Variants in SLC9B1 observed in about 807,000 individuals in gnomAD.
The protein encoded by SLC9B1 is solute carrier family 9 member B1.
A neutral mutation model predicts 51.7 loss-of-function variants in SLC9B1; 32 were observed. The observed-to-expected ratio is 0.62, with a 90% CI of 0.47 to 0.83. The LOEUF is 0.83. Among genes scored for constraint, SLC9B1 ranks in the 40% least tolerant of loss-of-function variants. The pLI is 0.00. For missense variants in SLC9B1, 406 were observed against 613.2 expected, an observed-to-expected ratio of 0.66 and a Z score of 3.57; for synonymous variants, 145 against 212.7, an observed-to-expected ratio of 0.68 and a Z score of 2.77.
intron 6 of SLC9B1, among the ~76,000 whole-genome samples, chr4:102,939,064 T>C (rs1226451376): frequency 1.4e-5 from 2 of 146,066 alleles, no homozygotes; most frequent in East Asian, 2.0e-4. Flanking sequence ...TGAAAAGCCA[T>C]ACAAAAGATA....
At chr4:103,015,826 T>C (rs1204793964) in intron 1 of SLC9B1, among the ~76,000 whole-genome samples, 1 of 152,052 alleles carries the variant, frequency 6.6e-6, no homozygotes, top group Non-Finnish European at 1.5e-5. Context: ...TCTTTCTTCT[T>C]ACCAGAAATT....
chr4:102,988,986 T>C (rs78743950), intron 3 of SLC9B1, among the ~76,000 whole-genome samples: 1,696 of 152,114 alleles, frequency 0.011, 21 homozygotes, highest in African/African-American at 0.037. Flanking sequence ...GGAACATATG[T>C]ATATTTACAA....
At chr4:102,963,872 T>C (rs1433432310) in intron 3 of SLC9B1, among the ~76,000 whole-genome samples, 1 of 152,038 alleles carries the variant, frequency 6.6e-6, no homozygotes, top group Non-Finnish European at 1.5e-5. Flanking sequence ...CTAAAATTGG[T>C]AATTAAAACT....
intron 3 of SLC9B1, among the ~76,000 whole-genome samples, chr4:102,959,459 C>T (rs1474770453): frequency 6.6e-6 from 1 of 152,030 alleles, no homozygotes; most frequent in Non-Finnish European, 1.5e-5. Flanking sequence ...AGATGTTCTT[C>T]CAGGAATTCT....
At chr4:102,949,466 C>A (rs1395357681) in intron 3 of SLC9B1, 39 bp from the exon 4 acceptor site, 2 of 1,440,042 alleles carry the variant, frequency 1.4e-6, no homozygotes, top group Non-Finnish European at 1.8e-6. Context: ...TATCTACATA[C>A]ACATAGATGT....
At chr4:102,938,666 G>A (rs1736839678) in intron 6 of SLC9B1, among the ~76,000 whole-genome samples, 1 of 151,906 alleles carries the variant, frequency 6.6e-6, no homozygotes, top group Admixed American at 6.6e-5. Flanking sequence ...CTGAAATCAG[G>A]CCAACCACAC....
At chr4:102,987,440 A>G (rs1739686320) in intron 3 of SLC9B1, among the ~76,000 whole-genome samples, 1 of 152,162 alleles carries the variant, frequency 6.6e-6, no homozygotes, top group African/African-American at 2.4e-5. Flanking sequence ...AGAAGTCATC[A>G]CTCTGTCCTA....
chr4:102,893,295 A>AAAG (rs1553971018), intron 11 of SLC9B1, among the ~76,000 whole-genome samples: 1 of 149,866 alleles, frequency 6.7e-6, no homozygotes, highest in African/African-American at 2.4e-5. Context: ...AAAAAAAAAA[A>AAAG]AAAAAAAAAA....
chr4:103,009,009 A>G (rs1309903306), intron 1 of SLC9B1, among the ~76,000 whole-genome samples: 4 of 152,042 alleles, frequency 2.6e-5, no homozygotes, highest in Admixed American at 6.5e-5. Context: ...CGTGTTAGCC[A>G]GGATGGTTTT....
chr4:103,007,389 T>A (rs1740840643), intron 1 of SLC9B1, among the ~76,000 whole-genome samples: 1 of 151,322 alleles, frequency 6.6e-6, no homozygotes, highest in Non-Finnish European at 1.5e-5. Flanking sequence ...AAAAAGAAAA[T>A]ACCCTAGGAA....
At chr4:102,913,914 G>T (rs1317526343) in intron 7 of SLC9B1, among the ~76,000 whole-genome samples, 3 of 151,938 alleles carry the variant, frequency 2.0e-5, no homozygotes, top group Non-Finnish European at 4.4e-5. Context: ...TGCCCAATGG[G>T]TTCACCTTGT....
intron 3 of SLC9B1, among the ~76,000 whole-genome samples, chr4:102,975,334 A>G (rs1738999717): frequency 6.6e-6 from 1 of 151,936 alleles, no homozygotes; most frequent in African/African-American, 2.4e-5. Flanking sequence ...AAGTCACCCC[A>G]TGTTTGGAGA....
At chr4:102,929,254 TG>T (rs1314155940) in intron 7 of SLC9B1, among the ~76,000 whole-genome samples, 1 of 152,244 alleles carries the variant, frequency 6.6e-6, no homozygotes, top group East Asian at 1.9e-4. Flanking sequence ...CTTGTCTCTC[TG>T]TTTTCTTGGG....
At chr4:103,001,945 T>A (rs1189007999) in intron 1 of SLC9B1, among the ~76,000 whole-genome samples, 7 of 152,228 alleles carry the variant, frequency 4.6e-5, no homozygotes, top group African/African-American at 1.7e-4. Flanking sequence ...ACAATCATGG[T>A]GGAAGGCAAA....
chr4:102,991,499 T>C (rs1673197626), intron 2 of SLC9B1, 144 bp downstream of exon 2: 3 of 517,070 alleles, frequency 5.8e-6, no homozygotes, highest in South Asian at 7.1e-5. Flanking sequence ...CTAGGACCCA[T>C]TACAACTAGC....
At chr4:103,016,152 A>AAAAAAAAAAAAAT (rs1741316786) in intron 1 of SLC9B1, among the ~76,000 whole-genome samples, 1 of 150,416 alleles carries the variant, frequency 6.6e-6, no homozygotes, top group African/African-American at 2.4e-5. Flanking sequence ...AAAAAAAAAA[A>AAAAAAAAAAAAAT]AGGAAAGTAT....
chr4:102,905,955 A>C (rs994108644), intron 10 of SLC9B1, among the ~76,000 whole-genome samples: 1 of 152,008 alleles, frequency 6.6e-6, no homozygotes, highest in African/African-American at 2.4e-5. Flanking sequence ...TTATTTTTTG[A>C]GAAGGATTCT....
intron 1 of SLC9B1, among the ~76,000 whole-genome samples, chr4:103,002,697 G>A (rs1740589013): frequency 1.3e-5 from 2 of 152,164 alleles, no homozygotes; most frequent in Non-Finnish European, 2.9e-5. Context: ...CAGACCCTTG[G>A]GGATTATGCC....
intron 7 of SLC9B1, among the ~76,000 whole-genome samples, chr4:102,913,796 TAAAAAAAAAAAA>T (rs61244946): frequency 1.4e-5 from 1 of 71,450 alleles, no homozygotes; most frequent in Admixed American, 1.5e-4. Context: ...AGATAGAAAC[TAAAAAAAAAAAA>T]AAAAAAAAAG....
Sources: gnomAD v4.1 joint callset for allele counts (sites outside exome capture counted in the v4.1 genomes callset) on GRCh38, gnomAD v4.1.1 for gene constraint, MANE v1.5 for transcripts, NCBI Gene and HGNC (gene_info 2026-07-23, HGNC 2026-07-21) for gene names.